The following KIAA1217 variants were observed in gnomAD, a reference collection of about 807,000 sequenced individuals.
KIAA1217 encodes sickle tail protein homolog.
Under a neutral mutation model 163.9 loss-of-function variants are expected in KIAA1217, and 88 were observed. The ratio of observed to expected loss-of-function variants is 0.54; its 90% CI spans 0.45 to 0.64. The LOEUF (loss-of-function observed/expected upper bound fraction) is 0.64, where lower values mean the gene tolerates loss of function less well. Among genes scored for constraint, KIAA1217 ranks in the 30% least tolerant of loss-of-function variants. KIAA1217 has a pLI of 0.00. For synonymous variants in KIAA1217, 903 were observed against 923.1 expected, an observed-to-expected ratio of 0.98 and a Z score of 0.39; for missense variants, 2,372 against 2,475.0, an observed-to-expected ratio of 0.96 and a Z score of 0.88.
chr10:24,461,716 T>TATCA (rs1456809495), intron 5 of KIAA1217, among the ~76,000 whole-genome samples: 4 of 152,230 alleles, frequency 2.6e-5, no homozygotes, highest in African/African-American at 9.6e-5. Flanking sequence ...AGGTATGTTA[T>TATCA]ATCATCAAAC....
chr10:24,072,267 A>G (rs961203576), intron 2 of KIAA1217, among the ~76,000 whole-genome samples: 2 of 152,100 alleles, frequency 1.3e-5, no homozygotes, highest in Non-Finnish European at 2.9e-5. Context: ...GCCTCAAGCA[A>G]TGCTCCCACC....
intron 11 of KIAA1217, 141 bp from the exon 12 acceptor site, chr10:24,521,641 T>G (rs906964239): frequency 1.0e-6 from 1 of 975,098 alleles, no homozygotes; most frequent in African/African-American, 1.6e-5. Context: ...TCTGTGCTCT[T>G]AACCCACTGC....
chr10:24,129,129 T>C (rs1224099934), intron 2 of KIAA1217, among the ~76,000 whole-genome samples: 1 of 152,182 alleles, frequency 6.6e-6, no homozygotes, highest in Non-Finnish European at 1.5e-5. Context: ...CCTCCTACTA[T>C]GTACAGAAAA....
At chr10:23,992,266 G>A (rs912943262) in intron 1 of KIAA1217, among the ~76,000 whole-genome samples, 8 of 152,222 alleles carry the variant, frequency 5.3e-5, no homozygotes, top group Non-Finnish European at 1.2e-4. Context: ...AACTCACTAA[G>A]TGAAGAATCT....
chr10:23,892,852 G>A (rs553178813), intron 1 of KIAA1217, among the ~76,000 whole-genome samples: 1 of 151,896 alleles, frequency 6.6e-6, no homozygotes, highest in South Asian at 2.1e-4. Context: ...AACAAACCAC[G>A]ACCTGGTTGT....
chr10:24,053,108 A>G (rs1232585463), intron 2 of KIAA1217, among the ~76,000 whole-genome samples: 1 of 152,172 alleles, frequency 6.6e-6, no homozygotes, highest in African/African-American at 2.4e-5. Flanking sequence ...TTGTTTTGTA[A>G]CAGGAGAAAA....
intron 5 of KIAA1217, among the ~76,000 whole-genome samples, chr10:24,461,593 T>A (rs1269932639): frequency 6.6e-6 from 1 of 152,232 alleles, no homozygotes; most frequent in East Asian, 1.9e-4. Flanking sequence ...TGGCCTCAGG[T>A]GATCCGCCCA....
In KIAA1217 at chr10:23,719,817, C is replaced by T. The variant is rs958287956; in HGVS notation, c.-321+24583C>T. ...CCTGTAGTCCCAGCTACTCAGGAGGCTGAGGAGGATCTCTTGAACCTGGGA... is the reference window on the plus strand; with the variant it reads ...CCTGTAGTCCCAGCTACTCAGGAGGTTGAGGAGGATCTCTTGAACCTGGGA... On this transcript the variant is annotated intron_variant, in intron 1 of 18. Transcript: ENST00000376462. Among the ~76,000 whole-genome samples the T allele has an allele frequency of 1.1e-4, 16 of 150,960 alleles. No homozygotes were observed. In the South Asian group the frequency reaches 2.1e-3, roughly 20 times the overall value.
intron 17 of KIAA1217, among the ~76,000 whole-genome samples, chr10:24,538,566 G>GAGGA (rs1220062160): frequency 0.082 from 6,804 of 83,124 alleles, 482 homozygotes; most frequent in East Asian, 0.16. Flanking sequence ...GGGAGGGAGG[G>GAGGA]AGGAAGGAAG....
At chr10:23,800,245 C>CT (rs1836407129) in intron 1 of KIAA1217, among the ~76,000 whole-genome samples, 1 of 152,128 alleles carries the variant, frequency 6.6e-6, no homozygotes, top group Non-Finnish European at 1.5e-5. Context: ...TATATGATGA[C>CT]TTTTTTCCTC....
chr10:24,418,561 G>A lies in KIAA1217; in HGVS notation c.554-14434G>A, dbSNP rs148769398. Among the ~76,000 whole-genome samples, 135 of 152,254 alleles carry A rather than the reference G, an allele frequency of 8.9e-4. 2 individuals carry two copies. The East Asian group carries it at 0.015, about 17-fold the overall frequency. On this transcript the variant is annotated intron_variant, in intron 3 of 20. Transcript: ENST00000376454. The stretch of plus-strand genomic sequence containing the variant: ...TTTCTAAAGATATATTCACTCCTCT[G>A]TAATAACTACTGGTTATCACTACGT...
chr10:24,126,327 G>A lies in KIAA1217; in HGVS notation c.-170-93299G>A, dbSNP rs145751870. Among the ~76,000 whole-genome samples the A allele has an allele frequency of 2.4e-3, 372 of 152,048 alleles. 1 individual carries two copies. The highest frequency in any genetic ancestry group is 8.5e-3 in the African/African-American group (351 of 41,476). On this transcript the variant is annotated intron_variant, in intron 2 of 18. Transcript: ENST00000376462. ...TATCCATGGAGTTTTTGGTTCAATT[G>A]CTATAGTTTTTATTTCTAGATGATG...
intron 1 of KIAA1217, among the ~76,000 whole-genome samples, chr10:23,822,443 C>A (rs1837665523): frequency 2.0e-5 from 3 of 152,162 alleles, no homozygotes; most frequent in African/African-American, 7.2e-5. Flanking sequence ...CAATAGGGAG[C>A]AGACAAACAG....
chr10:23,956,895 C>T (rs1049105206), intron 1 of KIAA1217, among the ~76,000 whole-genome samples: 2 of 152,114 alleles, frequency 1.3e-5, no homozygotes, highest in African/African-American at 4.8e-5. Context: ...TCCCCAAATA[C>T]CTCCCACCAG....
chr10:23,914,994 G>A (rs1180051135), intron 1 of KIAA1217, among the ~76,000 whole-genome samples: 4 of 152,054 alleles, frequency 2.6e-5, no homozygotes, highest in Non-Finnish European at 4.4e-5. Flanking sequence ...CTGCAGGAAT[G>A]CCTAGAGTGA....
At chr10:24,471,437 A>C (rs2063500742) in intron 5 of KIAA1217, among the ~76,000 whole-genome samples, 1 of 152,028 alleles carries the variant, frequency 6.6e-6, no homozygotes, top group Admixed American at 6.6e-5. Context: ...CCTTGACCAA[A>C]GCAAAAATAT....
intron 1 of KIAA1217, among the ~76,000 whole-genome samples, chr10:24,003,296 T>C (rs1846837038): frequency 6.6e-6 from 1 of 152,236 alleles, no homozygotes. Flanking sequence ...GTCCCCTTTA[T>C]ACGACATCCA....
chr10:24,251,098 C>G (rs1260673734), intron 2 of KIAA1217, among the ~76,000 whole-genome samples: 1 of 151,824 alleles, frequency 6.6e-6, no homozygotes, highest in Non-Finnish European at 1.5e-5. Flanking sequence ...TGGTGGTGCA[C>G]CCCTGTAATC....
chr10:23,929,541 C>A (rs1439775952), intron 1 of KIAA1217, among the ~76,000 whole-genome samples: 1 of 152,150 alleles, frequency 6.6e-6, no homozygotes, highest in African/African-American at 2.4e-5. Flanking sequence ...TCAGCTCCCA[C>A]TTGTAAGTGA....
Sources: gnomAD v4.1 joint callset for allele counts (sites outside exome capture counted in the v4.1 genomes callset) on GRCh38, gnomAD v4.1.1 for gene constraint, MANE v1.5 for transcripts, NCBI Gene and HGNC (gene_info 2026-07-23, HGNC 2026-07-21) for gene names.